The following CAMTA1 variants were observed in gnomAD, a reference collection of about 807,000 sequenced individuals.
CAMTA1 encodes calmodulin-binding transcription activator 1.
In CAMTA1, 27 loss-of-function variants were observed where a neutral mutation model predicts 170.9. The ratio of observed to expected loss-of-function variants is 0.16; its 90% CI spans 0.12 to 0.22. The LOEUF is 0.22. CAMTA1 is among the 10% of genes least tolerant of loss of function. The pLI, the probability that CAMTA1 is intolerant of heterozygous loss-of-function variation, is 1.00. For synonymous variants in CAMTA1, 833 were observed against 891.5 expected, an observed-to-expected ratio of 0.93 and a Z score of 1.17; for missense variants, 1,619 against 2,217.2, an observed-to-expected ratio of 0.73 and a Z score of 5.42.
intron 6 of CAMTA1, among the ~76,000 whole-genome samples, chr1:7,489,490 C>T (rs966060898): frequency 5.3e-5 from 8 of 152,088 alleles, no homozygotes; most frequent in Admixed American, 1.3e-4. Flanking sequence ...CTCCAGGTGT[C>T]GGAGGAACTC....
chr1:7,024,042 A>AAAAAG (rs1553221698), intron 3 of CAMTA1, among the ~76,000 whole-genome samples: 4 of 150,258 alleles, frequency 2.7e-5, no homozygotes, highest in Non-Finnish European at 4.4e-5. Context: ...AAAAAAAAAA[A>AAAAAG]AAAGAAAGAA....
intron 5 of CAMTA1, among the ~76,000 whole-genome samples, chr1:7,304,690 A>T (rs1390603771): frequency 6.7e-6 from 1 of 149,858 alleles, no homozygotes; most frequent in Non-Finnish European, 1.5e-5. Flanking sequence ...CTTCTTTTCT[A>T]TTCAGAAATT....
At chr1:7,243,897 C>T (rs1665319456) in intron 4 of CAMTA1, among the ~76,000 whole-genome samples, 1 of 152,232 alleles carries the variant, frequency 6.6e-6, no homozygotes, top group Non-Finnish European at 1.5e-5. Flanking sequence ...AATGGGATCT[C>T]ATTAAACCAA....
intron 4 of CAMTA1, among the ~76,000 whole-genome samples, chr1:7,118,737 A>G (rs1402238842): frequency 6.6e-6 from 1 of 152,172 alleles, no homozygotes; most frequent in African/African-American, 2.4e-5. Flanking sequence ...TTTTGCAAAC[A>G]TACACTCCAC....
At chr1:7,031,227 T>G (rs1434968544) in intron 3 of CAMTA1, among the ~76,000 whole-genome samples, 1 of 152,090 alleles carries the variant, frequency 6.6e-6, no homozygotes, top group Non-Finnish European at 1.5e-5. Flanking sequence ...TTCTATCAGT[T>G]TTTGCTTCAT....
chr1:7,747,919 T>C, intron 19 of CAMTA1, 138 bp downstream of exon 19: 1 of 409,824 alleles, frequency 2.4e-6, no homozygotes, highest in South Asian at 3.5e-5. Flanking sequence ...TTTTTTTTTT[T>C]ATTTTTTTTT....
At chr1:7,243,102 T>C (rs899556732) in intron 4 of CAMTA1, among the ~76,000 whole-genome samples, 9 of 152,256 alleles carry the variant, frequency 5.9e-5, no homozygotes, top group Admixed American at 1.3e-4. Context: ...CATTGGCTTG[T>C]CTCTGCATGT....
chr1:7,567,313 T>C lies in CAMTA1; in HGVS notation c.511-73087T>C, dbSNP rs1327826590. On this transcript the variant is annotated intron_variant, in intron 6 of 22. Coordinates refer to ENST00000303635, the MANE Select transcript of CAMTA1 (RefSeq NM_015215.4). ...TGAGGACCAGGGCAGGCAGGACTGC[T>C]CACAGGGACCCTGAAGGACAGGGGA... 2.6e-5 allele frequency among the ~76,000 whole-genome samples: 4 copies of C among 152,122 alleles called. No individual in the cohort carries two copies. The East Asian group carries it at 7.7e-4, about 29-fold the overall frequency.
intron 5 of CAMTA1, among the ~76,000 whole-genome samples, chr1:7,400,543 T>G (rs1557655053): frequency 6.6e-6 from 1 of 152,140 alleles, no homozygotes; most frequent in Non-Finnish European, 1.5e-5. Flanking sequence ...ATTTCTTTGT[T>G]GTTTTTTTTT....
chr1:6,793,072 T>C (rs1032942694), intron 1 of CAMTA1, among the ~76,000 whole-genome samples: 8 of 151,650 alleles, frequency 5.3e-5, no homozygotes, highest in African/African-American at 1.7e-4. Flanking sequence ...CCCACTCTTA[T>C]ATATATCTTA....
intron 3 of CAMTA1, among the ~76,000 whole-genome samples, chr1:7,002,399 A>G: frequency 6.6e-6 from 1 of 152,172 alleles, no homozygotes; most frequent in East Asian, 1.9e-4. Flanking sequence ...GCCATGAAGA[A>G]GTCTAAGGCT....
At chr1:7,017,435 G>A (rs769110792) in intron 3 of CAMTA1, among the ~76,000 whole-genome samples, 1 of 152,140 alleles carries the variant, frequency 6.6e-6, no homozygotes, top group Non-Finnish European at 1.5e-5. Flanking sequence ...GAACTTCTTC[G>A]TTCTTTGCTA....
chr1:6,794,028 T>C (rs900760140), intron 1 of CAMTA1, among the ~76,000 whole-genome samples: 3 of 152,116 alleles, frequency 2.0e-5, no homozygotes, highest in Admixed American at 2.0e-4. Context: ...AAATTACTCA[T>C]TTATGATTAA....
intron 5 of CAMTA1, among the ~76,000 whole-genome samples, chr1:7,316,205 A>G (rs1677483191): frequency 6.6e-6 from 1 of 152,144 alleles, no homozygotes. Flanking sequence ...GGGATTAACA[A>G]TCCAAGATGA....
intron 5 of CAMTA1, among the ~76,000 whole-genome samples, chr1:7,256,475 G>T (rs770611784): frequency 2.0e-5 from 3 of 152,216 alleles, no homozygotes; most frequent in Non-Finnish European, 2.9e-5. Context: ...CAGGAGAATG[G>T]CGTGAACCCG....
chr1:6,828,467 T>C (rs572946933), intron 3 of CAMTA1, among the ~76,000 whole-genome samples: 1 of 151,852 alleles, frequency 6.6e-6, no homozygotes, highest in Non-Finnish European at 1.5e-5. Context: ...AATTTTTGTA[T>C]TTTTAGTAGA....
intron 4 of CAMTA1, among the ~76,000 whole-genome samples, chr1:7,123,122 C>G (rs1460362850): frequency 6.6e-6 from 1 of 152,154 alleles, no homozygotes; most frequent in Non-Finnish European, 1.5e-5. Context: ...GCTGACCTGA[C>G]AAGTTTCCAC....
chr1:6,881,208 C>T (rs1043259344), intron 3 of CAMTA1, among the ~76,000 whole-genome samples: 1 of 152,168 alleles, frequency 6.6e-6, no homozygotes, highest in Non-Finnish European at 1.5e-5. Flanking sequence ...ACTGCCCAAT[C>T]TGTTTATTTC....
intron 6 of CAMTA1, among the ~76,000 whole-genome samples, chr1:7,522,153 G>C (rs1206100672): frequency 1.8e-4 from 27 of 152,170 alleles, no homozygotes; most frequent in Admixed American, 1.8e-3. Flanking sequence ...GGCCTCACCA[G>C]CATTTGATGT....
Sources: gnomAD v4.1 joint callset for allele counts (sites outside exome capture counted in the v4.1 genomes callset) on GRCh38, gnomAD v4.1.1 for gene constraint, MANE v1.5 for transcripts, NCBI Gene and HGNC (gene_info 2026-07-23, HGNC 2026-07-21) for gene names.